The following CTNND2 variants were observed in gnomAD, a reference collection of about 807,000 sequenced individuals.
CTNND2 encodes catenin delta-2.
In CTNND2, 22 loss-of-function variants were observed where a neutral mutation model predicts 144.4. That is an observed-to-expected ratio of 0.15 (90% CI 0.11 to 0.22). The LOEUF is 0.22. CTNND2 is among the 10% of genes least tolerant of loss of function. The pLI, the probability that CTNND2 is intolerant of heterozygous loss-of-function variation, is 1.00. For synonymous variants in CTNND2, 751 were observed against 695.6 expected, an observed-to-expected ratio of 1.08 and a Z score of -1.25; for missense variants, 1,353 against 1,618.8, an observed-to-expected ratio of 0.84 and a Z score of 2.82.
At chr5:11,360,102 G>A (rs542494556) in intron 8 of CTNND2, among the ~76,000 whole-genome samples, 1 of 152,266 alleles carries the variant, frequency 6.6e-6, no homozygotes, top group South Asian at 2.1e-4. Context: ...GCGCATCTGA[G>A]TTGGTACCCA....
At chr5:11,760,528 T>G (rs1029334539) in intron 1 of CTNND2, among the ~76,000 whole-genome samples, 1 of 152,142 alleles carries the variant, frequency 6.6e-6, no homozygotes, top group African/African-American at 2.4e-5. Flanking sequence ...GATAAGCCAC[T>G]GAAAAATGCC....
chr5:11,635,354 A>G (rs150329228), intron 2 of CTNND2, among the ~76,000 whole-genome samples: 80 of 152,282 alleles, frequency 5.3e-4, no homozygotes, highest in African/African-American at 1.9e-3. Context: ...ACTACTAAGC[A>G]TGAGGAAGCA....
intron 2 of CTNND2, among the ~76,000 whole-genome samples, chr5:11,579,332 A>G (rs1360471161): frequency 6.6e-6 from 1 of 152,196 alleles, no homozygotes; most frequent in Non-Finnish European, 1.5e-5. Context: ...ACTGTGACCA[A>G]CAGATTCCTT....
intron 9 of CTNND2, among the ~76,000 whole-genome samples, chr5:11,301,558 T>A (rs1368687945): frequency 6.6e-6 from 1 of 152,208 alleles, no homozygotes; most frequent in African/African-American, 2.4e-5. Context: ...TCTTGTTGTT[T>A]CTCTCCAATG....
rs183885928 is a variant in CTNND2, at chr5:11,634,913, C to T, written c.175-69857G>A. ...AAAATAGTCCATTATTTTTGGCAAC[C>T]TGGAGATTAGGAACCTTTAGAGCAA... On this transcript the variant is annotated intron_variant, in intron 2 of 21. Coordinates refer to ENST00000304623, the MANE Select transcript of CTNND2 (RefSeq NM_001332.4). Among the ~76,000 whole-genome samples the T allele has an allele frequency of 4.6e-3, 695 of 151,586 alleles. 3 individuals carry two copies. Among genetic ancestry groups the T allele is most frequent in the Admixed American group, 7.3e-3 (110 of 15,142 alleles).
intron 1 of CTNND2, among the ~76,000 whole-genome samples, chr5:11,758,923 T>C (rs997938370): frequency 1.3e-5 from 2 of 152,014 alleles, no homozygotes; most frequent in Non-Finnish European, 2.9e-5. Context: ...CTCTAATACA[T>C]AAATTATTCC....
At chr5:11,263,700 T>G (rs1475752824) in intron 9 of CTNND2, among the ~76,000 whole-genome samples, 1 of 152,226 alleles carries the variant, frequency 6.6e-6, no homozygotes, top group Non-Finnish European at 1.5e-5. Context: ...ATTCATGCCT[T>G]TACAGTTACT....
At position 11,161,189 on chromosome 5, in the gene CTNND2, G is replaced by C. The variant is rs60005883; in HGVS notation, c.1976-1430C>G. On this transcript the variant is annotated intron_variant, in intron 11 of 21. Transcript: ENST00000304623. ...GTTCATTTCTAAATTTTTTACATCT[G>C]CTTTTGTCCTATGAAGGAATAGCTG... Among the ~76,000 whole-genome samples the C allele has an allele frequency of 3.6e-3, 552 of 152,250 alleles. 3 individuals are homozygous for C. The highest frequency in any genetic ancestry group is 0.013 in the African/African-American group (539 of 41,558).
At chr5:11,629,954 T>C (rs542222155) in intron 2 of CTNND2, among the ~76,000 whole-genome samples, 1 of 152,320 alleles carries the variant, frequency 6.6e-6, no homozygotes, top group Admixed American at 6.5e-5. Flanking sequence ...CCTCATTTTA[T>C]AGGGGAAAAA....
chr5:11,030,470 T>C (rs1743321469), intron 16 of CTNND2, among the ~76,000 whole-genome samples: 2 of 56,630 alleles, frequency 3.5e-5, no homozygotes, highest in Non-Finnish European at 6.2e-5. Context: ...TAATTTAAAT[T>C]TTCCTGTCTT....
chr5:11,651,299 GCAGGTGCAGAGA>G (rs1481603076), intron 2 of CTNND2, among the ~76,000 whole-genome samples: 3 of 152,250 alleles, frequency 2.0e-5, no homozygotes, highest in Non-Finnish European at 4.4e-5. Flanking sequence ...TATGAAGCCT[GCAGGTGCAGAGA>G]GGACAAGAAT....
At chr5:11,200,837 C>A (rs951345352) in intron 10 of CTNND2, among the ~76,000 whole-genome samples, 17 of 152,180 alleles carry the variant, frequency 1.1e-4, no homozygotes, top group African/African-American at 4.1e-4. Context: ...CGCCACCACG[C>A]CCGGCTATTT....
chr5:11,560,075 C>T (rs1294553233), intron 3 of CTNND2, among the ~76,000 whole-genome samples: 7 of 152,110 alleles, frequency 4.6e-5, no homozygotes, highest in African/African-American at 1.4e-4. Flanking sequence ...TCCTAATTGA[C>T]GAAGTGGAGA....
At chr5:11,519,307 T>C (rs534591010) in intron 3 of CTNND2, among the ~76,000 whole-genome samples, 2 of 152,320 alleles carry the variant, frequency 1.3e-5, no homozygotes, top group East Asian at 1.9e-4. Flanking sequence ...AATTGGACTT[T>C]TGACCCCTTC....
At chr5:11,571,861 T>C (rs192501816) in intron 2 of CTNND2, among the ~76,000 whole-genome samples, 2 of 152,334 alleles carry the variant, frequency 1.3e-5, no homozygotes, top group East Asian at 1.9e-4. Context: ...TGAATTGGGA[T>C]GACTTGCATT....
At chr5:11,320,374 C>A (rs1751913310) in intron 9 of CTNND2, among the ~76,000 whole-genome samples, 1 of 152,094 alleles carries the variant, frequency 6.6e-6, no homozygotes, top group Non-Finnish European at 1.5e-5. Flanking sequence ...TGTCCTCAGA[C>A]AAACCAGCTA....
intron 3 of CTNND2, among the ~76,000 whole-genome samples, chr5:11,496,005 C>A (rs1330667132): frequency 2.6e-5 from 4 of 152,158 alleles, no homozygotes; most frequent in Non-Finnish European, 5.9e-5. Flanking sequence ...CCTTTCCTCA[C>A]CCCATGCTGT....
intron 10 of CTNND2, among the ~76,000 whole-genome samples, chr5:11,209,362 T>C (rs1419361081): frequency 6.6e-6 from 1 of 152,164 alleles, no homozygotes; most frequent in Admixed American, 6.5e-5. Flanking sequence ...GATGGCTTAG[T>C]GGAACAGAAT....
intron 1 of CTNND2, among the ~76,000 whole-genome samples, chr5:11,738,436 T>C (rs1787820554): frequency 6.6e-6 from 1 of 150,630 alleles, no homozygotes; most frequent in Admixed American, 6.6e-5. Flanking sequence ...TAGTCTAAAC[T>C]TTTCTTTCCC....
Sources: allele counts gnomAD v4.1 joint callset (sites outside exome capture counted in the v4.1 genomes callset), GRCh38; gene constraint gnomAD v4.1.1; transcripts MANE v1.5; gene names NCBI Gene and HGNC (gene_info 2026-07-23, HGNC 2026-07-21).